The following OGA variants were observed in gnomAD, a reference collection of about 807,000 sequenced individuals.
OGA encodes protein O-GlcNAcase.
In OGA, 21 loss-of-function variants were observed where a neutral mutation model predicts 102.0. The observed-to-expected ratio is 0.21, with a 90% CI of 0.15 to 0.30. OGA has a LOEUF of 0.30. Among genes scored for constraint, OGA ranks in the 10% least tolerant of loss-of-function variants. The pLI is 1.00. For synonymous variants in OGA, 408 were observed against 378.2 expected (o/e 1.08, Z -0.91); for missense variants, 765 against 1,107.8 (o/e 0.69, Z 4.39).
intron 7 of OGA, 90 bp downstream of exon 7, chr10:101,803,645 T>C (rs2065428117): frequency 1.6e-6 from 2 of 1,285,310 alleles, no homozygotes; most frequent in Non-Finnish European, 2.2e-6. Flanking sequence ...ACTGTTTAAG[T>C]TGTGATGACA....
At chr10:101,802,538 G>A (rs780122513) in intron 7 of OGA, among the ~76,000 whole-genome samples, 5 of 151,446 alleles carry the variant, frequency 3.3e-5, no homozygotes, top group Admixed American at 2.0e-4. Flanking sequence ...GCATGGTGGC[G>A]CATGCCTGTA....
chr10:101,813,426 T>A lies in OGA; in HGVS notation c.251+129A>T. ...TAGGTGAAGAAAAAAGGGACCAAGG[T>A]AAAATAACTTCTGCAATTGAGAAAC... On this transcript the variant is annotated intron_variant, in intron 2 of 15. Coordinates refer to ENST00000361464, the MANE Select transcript of OGA (RefSeq NM_012215.5). 4.6e-6 allele frequency: 3 copies of A among 646,674 alleles called. No homozygotes were observed. In the South Asian group the frequency reaches 7.2e-5, roughly 16 times the overall value. 40.1% of individuals were successfully genotyped at this position (646,674 alleles called of 1,614,324 possible).
rs1227723906 is a variant in OGA, at chr10:101,799,220, G to A, written c.1431C>T (p.His477=). Residue 477 remains histidine, a synonymous_variant, in exon 9 of 16, where the codon CAC becomes CAT. Transcript: ENST00000361464. ...MVVEKQEETD[H]KNDNQILSEI... is the part of the protein sequence containing the mutation. The stretch of plus-strand genomic sequence containing the variant: ...CACTCAGTATTTGATTGTCATTCTT[G>A]TGGTCCGTTTCTTCTTGTTTTTCCA... 3.1e-6 allele frequency: 5 copies of A among 1,614,134 alleles called. No homozygotes were observed. The highest frequency in any genetic ancestry group is 4.2e-6 in the Non-Finnish European group (5 of 1,180,022).
At chr10:101,811,563 T>C (rs1167278602) in intron 3 of OGA, among the ~76,000 whole-genome samples, 1 of 151,550 alleles carries the variant, frequency 6.6e-6, no homozygotes, top group East Asian at 1.9e-4. Context: ...ATTAGCTGGG[T>C]GTGGTGACCC....
chr10:101,811,472 G>C (rs146281213), intron 3 of OGA, among the ~76,000 whole-genome samples: 1 of 146,408 alleles, frequency 6.8e-6, no homozygotes, highest in African/African-American at 2.5e-5. Context: ...AGAGGCCACG[G>C]CAAGTTGACT....
chr10:101,798,730 A>G, intron 9 of OGA, 112 bp downstream of exon 9: 1 of 1,346,476 alleles, frequency 7.4e-7, no homozygotes, highest in African/African-American at 1.5e-5. Context: ...ACATATTCTA[A>G]AACATGGTCA....
chr10:101,800,033 C>T (rs762390494), intron 8 of OGA, among the ~76,000 whole-genome samples: 14 of 152,166 alleles, frequency 9.2e-5, no homozygotes, highest in South Asian at 4.1e-4. Flanking sequence ...CCACCACGCC[C>T]GGCTAATCTT....
chr10:101,797,838 C>T lies in OGA; in HGVS notation c.1984+142G>A. On this transcript the variant is annotated intron_variant, in intron 10 of 15. Coordinates refer to ENST00000361464, the MANE Select transcript of OGA (RefSeq NM_012215.5). ...CTTGCATCTCAAGTCTTCAATAATG[C>T]CTATTTTTGAAAGAAACCTAGGCAA... is the stretch of plus-strand genomic sequence containing the variant. 5 of 748,214 alleles carry T rather than the reference C, an allele frequency of 6.7e-6. No individual in the cohort carries two copies. The South Asian group carries it at 8.9e-5, about 13-fold the overall frequency. 46.3% of individuals were successfully genotyped at this position (748,214 alleles called of 1,614,324 possible). A position where few individuals can be genotyped will look rare whatever the true frequency, so the allele number is the denominator to read the frequency against.
chr10:101,793,043 C>T, intron 11 of OGA, 100 bp from the exon 12 acceptor site: 1 of 870,440 alleles, frequency 1.1e-6, no homozygotes, highest in Non-Finnish European at 1.9e-6. Context: ...TAACTGGCTA[C>T]TGCAGGCAGA....
chr10:101,808,868 G>A (rs1249903628), intron 4 of OGA, among the ~76,000 whole-genome samples: 2 of 152,082 alleles, frequency 1.3e-5, no homozygotes, highest in Non-Finnish European at 1.5e-5. Flanking sequence ...TACTCAGGAG[G>A]CTGAGGCCAG....
intron 1 of OGA, among the ~76,000 whole-genome samples, chr10:101,815,653 ATTTTTTTT>A (rs76000708): frequency 6.7e-6 from 1 of 149,350 alleles, no homozygotes; most frequent in Non-Finnish European, 1.5e-5. Flanking sequence ...TAGCATTATC[ATTTTTTTT>A]TTAAGGAGTA....
chr10:101,798,940 G>A lies in OGA; in HGVS notation c.1711C>T (p.His571Tyr), dbSNP rs1564643670. The A allele has an allele frequency of 6.2e-7, 1 of 1,614,130 alleles. No homozygotes were observed. Among genetic ancestry groups the A allele is most frequent in the Non-Finnish European group, 8.5e-7 (1 of 1,180,030 alleles). ...LADLFYLPYE[H>Y]GPKGAQMLRE... Reference sequence around the variant, plus strand: ...AACATCTGTGCTCCTTTGGGTCCATGCTCGTAAGGAAGGTAGAATAGATCA... The same window carrying A: ...AACATCTGTGCTCCTTTGGGTCCATACTCGTAAGGAAGGTAGAATAGATCA... The change falls in exon 9 of 16, where the codon CAT becomes TAT. Residue 571 changes from histidine (H) to tyrosine (Y), a missense_variant. Physicochemically the swap from His to Tyr is moderately conservative, Grantham distance 83 (BLOSUM62 2). Around this residue, in one of 7 missense-constraint regions of OGA, gnomAD observed 281 missense variants for 345.8 expected, o/e 0.81. Coordinates refer to ENST00000361464, the MANE Select transcript of OGA (RefSeq NM_012215.5).
intron 1 of OGA, among the ~76,000 whole-genome samples, chr10:101,816,077 GCC>G (rs1437938978): frequency 4.8e-5 from 7 of 147,134 alleles, no homozygotes; most frequent in African/African-American, 1.5e-4. Context: ...GTGGAAACCT[GCC>G]TGGGCAACAC....
chr10:101,807,964 G>A (rs531893391), intron 4 of OGA, 63 bp from the exon 5 acceptor site: 54 of 1,260,096 alleles, frequency 4.3e-5, no homozygotes, highest in Middle Eastern at 2.0e-4. Context: ...ACATTACAGC[G>A]TTAACAGTTA....
chr10:101,810,379 T>TTC, intron 3 of OGA, 65 bp from the exon 4 acceptor site: 1 of 1,414,074 alleles, frequency 7.1e-7, no homozygotes, highest in Non-Finnish European at 9.7e-7. Context: ...TCACTGAAGG[T>TTC]TTAACTGAAG....
At chr10:101,791,527 G>C (rs1024368513) in intron 12 of OGA, 88 bp from the exon 13 acceptor site, 1 of 956,628 alleles carries the variant, frequency 1.0e-6, no homozygotes, top group Admixed American at 1.9e-5. Flanking sequence ...TGGGGAGGGA[G>C]TAACAAAATG....
intron 14 of OGA, among the ~76,000 whole-genome samples, chr10:101,788,458 C>T (rs563517967): frequency 6.7e-6 from 1 of 148,756 alleles, no homozygotes; most frequent in South Asian, 2.1e-4. Context: ...TCTGGCCAGG[C>T]GTGGTGGCTC....
chr10:101,800,166 C>T, intron 8 of OGA, 76 bp downstream of exon 8: 1 of 1,492,320 alleles, frequency 6.7e-7, no homozygotes, highest in Non-Finnish European at 9.2e-7. Context: ...AGCCACCACA[C>T]CCGGGAGACA....
At chr10:101,795,915 G>C (rs938431171) in intron 10 of OGA, 2 of 982,604 alleles carry the variant, frequency 2.0e-6, no homozygotes, top group African/African-American at 3.5e-5. Flanking sequence ...TTGTGTAAGA[G>C]GTATCTATAT....
Sources: gnomAD v4.1 joint callset for allele counts (sites outside exome capture counted in the v4.1 genomes callset) on GRCh38, gnomAD v4.1.1 for gene constraint, gnomAD v4.1.1 regional missense constraint, MANE v1.5 for transcripts, NCBI Gene and HGNC (gene_info 2026-07-23, HGNC 2026-07-21) for gene names.